CDKN2B-AS1: variants seen among roughly 807,000 people sequenced by gnomAD.
CDKN2B-AS1 encodes the protein CDKN2B and CDKN2A antisense cis and trans regulatory RNA 1.
intron 2 of CDKN2B-AS1, among the ~76,000 whole-genome samples, chr9:22,048,466 C>T (rs1777621361): frequency 6.6e-6 from 1 of 152,158 alleles, no homozygotes; most frequent in East Asian, 1.9e-4. Context: ...TGGGGTTAGT[C>T]TGGCAGATAA....
chr9:22,124,023 A>G (rs1275169107), intron 4 of CDKN2B-AS1, among the ~76,000 whole-genome samples: 1 of 151,608 alleles, frequency 6.6e-6, no homozygotes, highest in Non-Finnish European at 1.5e-5. Flanking sequence ...TTATACAGGT[A>G]TCATATGCAT....
intron 4 of CDKN2B-AS1, chr9:22,058,754 G>C (rs1468342198): frequency 1.2e-5 from 2 of 160,386 alleles, no homozygotes; most frequent in Non-Finnish European, 2.7e-5. Flanking sequence ...GTATTAATCT[G>C]TTTTAATCCT....
intron 4 of CDKN2B-AS1, among the ~76,000 whole-genome samples, chr9:22,063,022 G>C (rs1425807231): frequency 6.7e-6 from 1 of 148,608 alleles, no homozygotes; most frequent in Non-Finnish European, 1.5e-5. Flanking sequence ...GAGAGAGAGA[G>C]ACTTATAAAT....
At chr9:22,085,457 C>A (rs1268081556) in intron 4 of CDKN2B-AS1, among the ~76,000 whole-genome samples, 2 of 152,168 alleles carry the variant, frequency 1.3e-5, no homozygotes, top group African/African-American at 2.4e-5. Flanking sequence ...CGGTGGCTCA[C>A]GCCTGTAATT....
chr9:22,083,543 A>G lies in CDKN2B-AS1; in HGVS notation n.438+27156A>G, dbSNP rs1442331360. 5.9e-5 allele frequency among the ~76,000 whole-genome samples: 9 copies of G among 152,342 alleles called. No homozygotes were observed. The East Asian group carries it at 1.5e-3, about 26-fold the overall frequency. ...ATTTTTGAATGAAGATTCCCATGGC[A>G]TACCTTGAATATTCTGAATCAGAAT... On this transcript the variant is annotated intron_variant and non_coding_transcript_variant, in intron 4 of 4. Transcript: ENST00000650946.
chr9:22,119,107 A>T (rs1826033869), intron 4 of CDKN2B-AS1: 1 of 151,496 alleles, frequency 6.6e-6, no homozygotes, highest in Non-Finnish European at 1.5e-5. Flanking sequence ...TTTGTGCCTC[A>T]GTTTCCTCAT....
chr9:22,112,847 T>C (rs1825836952), intron 4 of CDKN2B-AS1, among the ~76,000 whole-genome samples: 1 of 152,008 alleles, frequency 6.6e-6, no homozygotes, highest in African/African-American at 2.4e-5. Flanking sequence ...AGTCCACAAG[T>C]TCAGAACAAA....
At chr9:22,046,839 T>C (rs1414062784) in exon 2 of CDKN2B-AS1, 1 of 152,156 alleles carries the variant, frequency 6.6e-6, no homozygotes, top group Non-Finnish European at 1.5e-5. Flanking sequence ...ACCAGATATA[T>C]GTTATCTGTG....
intron 1 of CDKN2B-AS1, chr9:22,008,728 C>A: frequency 6.2e-7 from 1 of 1,610,836 alleles, no homozygotes; most frequent in Non-Finnish European, 8.5e-7. Context: ...TAGGTTCCAG[C>A]CCCGATCCGC....
chr9:22,071,373 C>T (rs1174592720), intron 4 of CDKN2B-AS1, among the ~76,000 whole-genome samples: 1 of 136,694 alleles, frequency 7.3e-6, no homozygotes, highest in Non-Finnish European at 1.5e-5. Context: ...GATCTTGGCT[C>T]ACAGCAAATT....
chr9:22,127,967 AG>A (rs1056687723), exon 5 of CDKN2B-AS1, among the ~76,000 whole-genome samples: 1 of 152,198 alleles, frequency 6.6e-6, no homozygotes, highest in African/African-American at 2.4e-5. Flanking sequence ...ACAACTGGTA[AG>A]CCCTGTGAGA....
At chr9:22,109,995 T>A (rs1825763272) in intron 4 of CDKN2B-AS1, among the ~76,000 whole-genome samples, 1 of 152,164 alleles carries the variant, frequency 6.6e-6, no homozygotes, top group African/African-American at 2.4e-5. Flanking sequence ...ACAAACTCAC[T>A]GTTACCTAGA....
chr9:22,041,614 C>G (rs1822899647), intron 1 of CDKN2B-AS1, among the ~76,000 whole-genome samples: 1 of 152,032 alleles, frequency 6.6e-6, no homozygotes, highest in African/African-American at 2.4e-5. Context: ...GTTAAGCTCT[C>G]TGAATCTACT....
chr9:22,089,814 T>C (rs1020901795), intron 4 of CDKN2B-AS1, among the ~76,000 whole-genome samples: 3 of 152,138 alleles, frequency 2.0e-5, no homozygotes, highest in Non-Finnish European at 4.4e-5. Flanking sequence ...TTCAAACATT[T>C]ATAAATTACT....
chr9:22,040,024 A>G (rs963849609), intron 1 of CDKN2B-AS1, among the ~76,000 whole-genome samples: 2 of 152,092 alleles, frequency 1.3e-5, no homozygotes, highest in African/African-American at 4.8e-5. Flanking sequence ...CAAAATTAAC[A>G]GAAGCTACGG....
intron 3 of CDKN2B-AS1, among the ~76,000 whole-genome samples, chr9:22,050,585 G>A (rs1245998969): frequency 6.6e-6 from 1 of 152,188 alleles, no homozygotes; most frequent in Non-Finnish European, 1.5e-5. Context: ...GGGGATGTTA[G>A]CAAGAGCTCC....
rs186588139 is a variant in CDKN2B-AS1 at position 22,059,409 on chromosome 9, A to G, written n.438+3022A>G. Among the ~76,000 whole-genome samples, 81 of 152,324 alleles carry G rather than the reference A, an allele frequency of 5.3e-4. 1 individual carries two copies. Among genetic ancestry groups the G allele is most frequent in the Non-Finnish European group, 5.9e-5 (4 of 68,024 alleles). On this transcript the variant is annotated intron_variant and non_coding_transcript_variant, in intron 4 of 4. Transcript: ENST00000650946. ...GAGGCAGTCAAACTTTGAAGCTCCAAAATGATCTCCTGTGACTCCAGGTCT... is the reference window on the plus strand; with the variant it reads ...GAGGCAGTCAAACTTTGAAGCTCCAGAATGATCTCCTGTGACTCCAGGTCT...
intron 1 of CDKN2B-AS1, chr9:22,008,851 C>G: frequency 6.2e-7 from 1 of 1,610,866 alleles, no homozygotes; most frequent in Non-Finnish European, 8.5e-7. Flanking sequence ...GCGCCGGCTT[C>G]CAGGAGCTGT....
chr9:22,088,917 T>C (rs921190517), intron 4 of CDKN2B-AS1, among the ~76,000 whole-genome samples: 2 of 152,162 alleles, frequency 1.3e-5, no homozygotes, highest in African/African-American at 4.8e-5. Context: ...GAACTTTGGA[T>C]TGCCTTTGTC....
Sources: allele counts gnomAD v4.1 joint callset (sites outside exome capture counted in the v4.1 genomes callset), GRCh38; gene constraint gnomAD v4.1.1; transcripts MANE v1.5; gene names NCBI Gene and HGNC (gene_info 2026-07-23, HGNC 2026-07-21).